NLRP14: variants seen among roughly 807,000 people sequenced by gnomAD.
NLRP14 encodes NACHT, LRR and PYD domains-containing protein 14.
A neutral mutation model predicts 94.7 loss-of-function variants in NLRP14; 105 were observed. That is an observed-to-expected ratio of 1.11 (90% CI 0.95 to 1.30). NLRP14 has a LOEUF of 1.30. Among genes scored for constraint, NLRP14 ranks in the 50% most tolerant of loss-of-function variants. The probability of loss-of-function intolerance (pLI) is 0.00; values close to 1 mark genes in which losing one functional copy is unlikely to be tolerated. For missense variants in NLRP14, 1,362 were observed against 1,254.1 expected, an observed-to-expected ratio of 1.09 and a Z score of -1.30; for synonymous variants, 508 against 459.9, an observed-to-expected ratio of 1.10 and a Z score of -1.34.
chr11:7,042,290 TA>T, intron 3 of NLRP14, 97 bp from the exon 4 acceptor site: 10 of 969,146 alleles, frequency 1.0e-5, no homozygotes, highest in Non-Finnish European at 1.6e-5. Flanking sequence ...TTCTTGTTCC[TA>T]ATTCCAAGTT....
rs1183746299 is a variant in NLRP14 at position 7,048,168 on chromosome 11, T to C, written c.2123+1336T>C. On this transcript the variant is annotated intron_variant, in intron 5 of 11. Transcript: ENST00000299481. ...TGATTAGTATTCCATTGTATAACTA[T>C]ACTTATACTATAATTTGTTTATTCA... is the stretch of plus-strand genomic sequence containing the variant. Among the ~76,000 whole-genome samples, 10 of 152,386 alleles carry C rather than the reference T, an allele frequency of 6.6e-5. No individual in the cohort carries two copies. In the East Asian group the frequency reaches 1.9e-3, roughly 29 times the overall value.
chr11:7,030,409 T>C (rs1852073352), intron 1 of NLRP14, among the ~76,000 whole-genome samples: 1 of 152,228 alleles, frequency 6.6e-6, no homozygotes, highest in African/African-American at 2.4e-5. Context: ...TTCTTCCTCC[T>C]GGAATGCTCC....
intron 1 of NLRP14, among the ~76,000 whole-genome samples, chr11:7,030,027 G>GCTGT (rs527321669): frequency 3.3e-4 from 51 of 152,292 alleles, no homozygotes; most frequent in African/African-American, 1.2e-3. Flanking sequence ...CTGAAGAAAT[G>GCTGT]CTGTCTTAAA....
chr11:7,058,516 A>G (rs1007534460), intron 8 of NLRP14, 66 bp downstream of exon 8: 9 of 1,191,522 alleles, frequency 7.6e-6, no homozygotes, highest in Non-Finnish European at 9.9e-6. Flanking sequence ...TAAAATAGTA[A>G]AATATTATGA....
At chr11:7,031,007 T>C (rs376202051) in intron 1 of NLRP14, among the ~76,000 whole-genome samples, 33 of 152,282 alleles carry the variant, frequency 2.2e-4, no homozygotes, top group Middle Eastern at 3.4e-3. Flanking sequence ...GAAGAGAGAT[T>C]CGCTAGGTCA....
At chr11:7,028,726 A>T (rs1000413866) in intron 1 of NLRP14, among the ~76,000 whole-genome samples, 5 of 152,064 alleles carry the variant, frequency 3.3e-5, no homozygotes, top group Admixed American at 3.3e-4. Flanking sequence ...GCCATTCTGG[A>T]CTAATTGTTA....
chr11:7,046,305 AC>A (rs1852348390), intron 4 of NLRP14, among the ~76,000 whole-genome samples: 1 of 152,160 alleles, frequency 6.6e-6, no homozygotes, highest in Non-Finnish European at 1.5e-5. Flanking sequence ...ATGTCTACCC[AC>A]TAATCCTAAT....
rs1852466595 is a variant in NLRP14, at chr11:7,053,180, A to G, written c.2291+3342A>G. 3.3e-5 allele frequency among the ~76,000 whole-genome samples: 5 copies of G among 152,152 alleles called. No individual in the cohort carries two copies. In the South Asian group the frequency reaches 1.0e-3, roughly 32 times the overall value. ...AATTTATTTTCCCACTTTGAAATTAAACCTCTCTAGAAACATTTAGATAAA... is the reference window on the plus strand; with the variant it reads ...AATTTATTTTCCCACTTTGAAATTAGACCTCTCTAGAAACATTTAGATAAA... On this transcript the variant is annotated intron_variant, in intron 6 of 11. Transcript: ENST00000299481.
chr11:7,051,284 C>G (rs1852438015), intron 6 of NLRP14, among the ~76,000 whole-genome samples: 1 of 152,220 alleles, frequency 6.6e-6, no homozygotes. Flanking sequence ...AATCAATGGT[C>G]CTATTAACAT....
At chr11:7,066,260 T>G (rs1852705979) in intron 10 of NLRP14, among the ~76,000 whole-genome samples, 1 of 152,234 alleles carries the variant, frequency 6.6e-6, no homozygotes, top group Non-Finnish European at 1.5e-5. Context: ...TATTTCTGAT[T>G]CTAGATCCTT....
chr11:7,079,610 C>T, the NLRP14 span, among the ~76,000 whole-genome samples: 1 of 152,198 alleles, frequency 6.6e-6, no homozygotes, highest in Non-Finnish European at 1.5e-5. Flanking sequence ...GTTAGAACCT[C>T]TTCATTGCAG....
In NLRP14 at chr11:7,034,562, T is replaced by C. The variant is rs569588995; in HGVS notation, c.-21-4004T>C. Among the ~76,000 whole-genome samples the C allele has an allele frequency of 2.6e-5, 4 of 152,368 alleles. No individual in the cohort carries two copies. In the South Asian group the frequency reaches 8.3e-4, roughly 32 times the overall value. On this transcript the variant is annotated intron_variant, in intron 1 of 11. Coordinates refer to ENST00000299481, the MANE Select transcript of NLRP14 (RefSeq NM_176822.4). ...TTTATTAATTTACACTTCAGTTGTT[T>C]ATTTGCCATATTCCCTGTAAACATT...
chr11:7,077,700 AAG>A, the NLRP14 span, among the ~76,000 whole-genome samples: 2 of 152,210 alleles, frequency 1.3e-5, no homozygotes, highest in Non-Finnish European at 2.9e-5. Context: ...TAGAAAAGAA[AAG>A]AGAGTTTGTG....
chr11:7,058,318 A>T lies in NLRP14; in HGVS notation c.2501A>T (p.Tyr834Phe), dbSNP rs1316507035. The T allele has an allele frequency of 3.7e-6, 6 of 1,612,574 alleles. No homozygotes were observed. The highest frequency in any genetic ancestry group is 1.7e-5 in the Admixed American group (1 of 59,906). Residue 834 changes from tyrosine (Y) to phenylalanine (F), a missense_variant, in exon 8 of 12, where the codon TAT becomes TTT. Tyr to Phe is a conservative substitution (Grantham distance 22). Coordinates refer to ENST00000299481, the MANE Select transcript of NLRP14 (RefSeq NM_176822.4). ...GGTCTCACAGAGGCTGGCTGTGAGT[A>T]TCTTTCTTTGGCTCTCATCAGCAAT... ...SCGLTEAGCE[Y>F]LSLALISNKR...
chr11:7,055,279 C>A (rs1305531867), intron 6 of NLRP14, among the ~76,000 whole-genome samples: 1 of 152,134 alleles, frequency 6.6e-6, no homozygotes, highest in Admixed American at 6.6e-5. Context: ...TTGGCAATAT[C>A]ATTCCTCTGT....
the NLRP14 span, chr11:7,090,115 G>A: frequency 2.6e-5 from 42 of 1,612,180 alleles, no homozygotes; most frequent in Middle Eastern, 8.2e-4. Flanking sequence ...AGTTATGGCC[G>A]GAGCGACCGC....
chr11:7,066,884 C>T (rs535758734), intron 10 of NLRP14, among the ~76,000 whole-genome samples: 31 of 151,114 alleles, frequency 2.1e-4, no homozygotes, highest in Admixed American at 7.9e-4. Context: ...AGGTATAATG[C>T]GTAAGGAAGG....
intron 6 of NLRP14, among the ~76,000 whole-genome samples, chr11:7,050,124 A>G (rs1391609071): frequency 6.6e-6 from 1 of 152,200 alleles, no homozygotes; most frequent in Admixed American, 6.5e-5. Context: ...TAAATATTTA[A>G]CACTTCTAAT....
downstream of NLRP14, among the ~76,000 whole-genome samples, chr11:7,074,698 C>G (rs1317842542): frequency 6.6e-6 from 1 of 152,172 alleles, no homozygotes; most frequent in Non-Finnish European, 1.5e-5. Context: ...AGGCATAAGT[C>G]TCAAATCATC....
Sources: gnomAD v4.1 joint callset for allele counts (sites outside exome capture counted in the v4.1 genomes callset) on GRCh38, gnomAD v4.1.1 for gene constraint, MANE v1.5 for transcripts, NCBI Gene and HGNC (gene_info 2026-07-23, HGNC 2026-07-21) for gene names.